CCDC73: variants seen among roughly 807,000 people sequenced by gnomAD.
CCDC73 encodes coiled-coil domain containing 73.
Under a neutral mutation model 116.5 loss-of-function variants are expected in CCDC73, and 95 were observed. The ratio of observed to expected loss-of-function variants is 0.82; its 90% CI spans 0.69 to 0.97. CCDC73 has a LOEUF of 0.97. CCDC73 is among the 50% of genes least tolerant of loss of function. The pLI is 0.00. For missense variants in CCDC73, 1,066 were observed against 1,206.8 expected (o/e 0.88, Z 1.73); for synonymous variants, 398 against 401.3 (o/e 0.99, Z 0.10).
At chr11:32,823,738 TA>T in the CCDC73 span, among the ~76,000 whole-genome samples, 4 of 150,474 alleles carry the variant, frequency 2.7e-5, no homozygotes, top group Admixed American at 6.7e-5. Context: ...AAGATAAGTC[TA>T]AAAAAAAAAT....
At chr11:32,675,073 G>A (rs926407582) in intron 9 of CCDC73, among the ~76,000 whole-genome samples, 1 of 152,036 alleles carries the variant, frequency 6.6e-6, no homozygotes, top group Non-Finnish European at 1.5e-5. Flanking sequence ...AAAGTCACCT[G>A]TGATGTCATC....
chr11:32,733,220 T>C (rs569491759), intron 2 of CCDC73, among the ~76,000 whole-genome samples: 1 of 152,320 alleles, frequency 6.6e-6, no homozygotes, highest in East Asian at 1.9e-4. Flanking sequence ...AAGAGCTAAC[T>C]ATCCTAAATA....
At chr11:32,730,689 G>A (rs991829873) in intron 2 of CCDC73, among the ~76,000 whole-genome samples, 1 of 152,040 alleles carries the variant, frequency 6.6e-6, no homozygotes, top group South Asian at 2.1e-4. Flanking sequence ...AACTCTGGGT[G>A]GTAGGTTTAA....
At chr11:32,764,521 T>C (rs1008976361) in intron 1 of CCDC73, among the ~76,000 whole-genome samples, 1 of 152,122 alleles carries the variant, frequency 6.6e-6, no homozygotes, top group Non-Finnish European at 1.5e-5. Context: ...CTATGCTTCA[T>C]AAATGAAGGA....
intron 2 of CCDC73, among the ~76,000 whole-genome samples, chr11:32,736,765 T>C (rs1391344640): frequency 1.6e-4 from 24 of 151,416 alleles, no homozygotes; most frequent in South Asian, 8.4e-4. Context: ...CCAACCCAGA[T>C]GTCCATCAAT....
intron 1 of CCDC73, among the ~76,000 whole-genome samples, chr11:32,770,929 G>T (rs1850488279): frequency 6.6e-6 from 1 of 152,090 alleles, no homozygotes; most frequent in South Asian, 2.1e-4. Context: ...GTAAGAAATA[G>T]CTCAAATAAA....
At chr11:32,776,984 CACATGT>C (rs1223037252) in intron 1 of CCDC73, among the ~76,000 whole-genome samples, 5 of 72,812 alleles carry the variant, frequency 6.9e-5, no homozygotes, top group South Asian at 4.7e-4. Flanking sequence ...TATATATATA[CACATGT>C]ATATATATAT....
At chr11:32,641,599 A>C (rs1265811628) in intron 13 of CCDC73, among the ~76,000 whole-genome samples, 1 of 151,858 alleles carries the variant, frequency 6.6e-6, no homozygotes, top group African/African-American at 2.4e-5. Flanking sequence ...AGTTAATAAT[A>C]GTACATATAT....
At chr11:32,766,277 T>A in intron 1 of CCDC73, among the ~76,000 whole-genome samples, 1 of 152,166 alleles carries the variant, frequency 6.6e-6, no homozygotes, top group Non-Finnish European at 1.5e-5. Context: ...CTAAAAACTC[T>A]CAATAAATTC....
intron 6 of CCDC73, among the ~76,000 whole-genome samples, chr11:32,686,184 T>C (rs1856198180): frequency 8.8e-6 from 1 of 113,102 alleles, no homozygotes; most frequent in African/African-American, 3.5e-5. Flanking sequence ...AGTGGTTGGA[T>C]GCTAGATACA....
At chr11:32,716,589 G>T (rs113853331) in intron 3 of CCDC73, among the ~76,000 whole-genome samples, 3,662 of 152,186 alleles carry the variant, frequency 0.024, 142 homozygotes, top group African/African-American at 0.081. Flanking sequence ...TAGAGACAGA[G>T]CCTCGCTCTG....
chr11:32,765,331 C>T (rs1046869226), intron 1 of CCDC73, among the ~76,000 whole-genome samples: 3 of 152,212 alleles, frequency 2.0e-5, no homozygotes, highest in African/African-American at 7.2e-5. Context: ...AGCACCACAT[C>T]ACACTTATTC....
intron 1 of CCDC73, among the ~76,000 whole-genome samples, chr11:32,793,061 G>A (rs1463316234): frequency 6.6e-6 from 1 of 152,164 alleles, no homozygotes; most frequent in Non-Finnish European, 1.5e-5. Flanking sequence ...CTATGCTGCC[G>A]CCTGGTGGAC....
chr11:32,704,156 G>A (rs1048669776), intron 3 of CCDC73, among the ~76,000 whole-genome samples: 16 of 152,198 alleles, frequency 1.1e-4, no homozygotes, highest in East Asian at 3.9e-4. Flanking sequence ...GCAGGAGCCC[G>A]TGCTCCCAGG....
At chr11:32,738,803 T>C (rs2133354452) in intron 2 of CCDC73, among the ~76,000 whole-genome samples, 1 of 152,224 alleles carries the variant, frequency 6.6e-6, no homozygotes, top group Middle Eastern at 3.4e-3. Flanking sequence ...TTTCCCCCAA[T>C]ATTTTCTTTT....
chr11:32,830,174 G>A, the CCDC73 span: 24 of 1,038,336 alleles, frequency 2.3e-5, no homozygotes, highest in Non-Finnish European at 2.8e-5. Flanking sequence ...GGGGACACAG[G>A]TACGAGGCCT....
chr11:32,678,328 GGT>G, intron 7 of CCDC73, among the ~76,000 whole-genome samples: 1 of 152,182 alleles, frequency 6.6e-6, no homozygotes, highest in Middle Eastern at 3.4e-3. Context: ...AGAGCACAGT[GGT>G]CAAAAGCTAG....
chr11:32,746,173 C>T (rs1850236952), intron 2 of CCDC73, among the ~76,000 whole-genome samples: 1 of 152,110 alleles, frequency 6.6e-6, no homozygotes, highest in Non-Finnish European at 1.5e-5. Flanking sequence ...TTTATTTCTC[C>T]TTCACTTATG....
intron 17 of CCDC73, among the ~76,000 whole-genome samples, chr11:32,607,884 G>A (rs911942949): frequency 6.6e-6 from 1 of 152,188 alleles, no homozygotes; most frequent in Non-Finnish European, 1.5e-5. Flanking sequence ...GGCAGAAGGC[G>A]AAAGGCAATT....
Sources: allele counts gnomAD v4.1 joint callset (sites outside exome capture counted in the v4.1 genomes callset), GRCh38; gene constraint gnomAD v4.1.1; transcripts MANE v1.5; gene names NCBI Gene and HGNC (gene_info 2026-07-23, HGNC 2026-07-21).